PIH1D2: variants seen among roughly 807,000 people sequenced by gnomAD.
The protein encoded by PIH1D2 is PIH1 domain containing 2.
PIH1D2 carries 25 observed loss-of-function variants against 31.2 expected under a neutral mutation model. That is an observed-to-expected ratio of 0.80 (90% CI 0.58 to 1.12). PIH1D2 has a LOEUF of 1.12. Among genes scored for constraint, PIH1D2 ranks in the 50% most tolerant of loss-of-function variants. The pLI is 0.00. For synonymous variants in PIH1D2, 116 were observed against 119.9 expected, an observed-to-expected ratio of 0.97 and a Z score of 0.21; for missense variants, 310 against 356.6, an observed-to-expected ratio of 0.87 and a Z score of 1.05.
chr11:112,054,875 A>G, the PIH1D2 span, among the ~76,000 whole-genome samples: 2 of 152,166 alleles, frequency 1.3e-5, no homozygotes, highest in East Asian at 1.9e-4. Flanking sequence ...TTGTGATTGC[A>G]TAACTCCAGT....
chr11:112,062,498 G>T, downstream of PIH1D2: 1 of 1,612,584 alleles, frequency 6.2e-7, no homozygotes, highest in Non-Finnish European at 8.5e-7. Context: ...GCTGAGTTTA[G>T]AAAGTACCTT....
chr11:112,061,523 A>T (rs1204561672), downstream of PIH1D2: 2 of 294,922 alleles, frequency 6.8e-6, no homozygotes, highest in Non-Finnish European at 1.3e-5. Flanking sequence ...ATGGATTCGG[A>T]ACCCATGGAT....
At chr11:112,072,007 C>T (rs1555184743) in intron 2 of PIH1D2, among the ~76,000 whole-genome samples, 3 of 152,108 alleles carry the variant, frequency 2.0e-5, no homozygotes, top group Admixed American at 6.5e-5. Flanking sequence ...GCAGGAGAAT[C>T]GCTTGAACCC....
At chr11:112,060,970 G>T (rs1306359733), downstream of PIH1D2, 85 of 1,429,688 alleles carry the variant, frequency 5.9e-5, no homozygotes, top group Non-Finnish European at 7.8e-5. Flanking sequence ...TCTTTTCACA[G>T]AACATTTGTC....
intron 2 of PIH1D2, 33 bp from the exon 3 acceptor site, chr11:112,071,791 C>T: frequency 6.2e-7 from 1 of 1,612,450 alleles, no homozygotes; most frequent in African/African-American, 1.3e-5. Flanking sequence ...CATCTCAAAA[C>T]CTAGTTTAAA....
downstream of PIH1D2, chr11:112,064,373 T>A (rs902237267): frequency 8.0e-6 from 5 of 626,542 alleles, no homozygotes; most frequent in Admixed American, 1.5e-4. Context: ...ATTTAAAAAT[T>A]AAAGTATAAA....
chr11:112,059,108 C>T (rs1371496932), downstream of PIH1D2, among the ~76,000 whole-genome samples: 1 of 151,932 alleles, frequency 6.6e-6, no homozygotes, highest in African/African-American at 2.4e-5. Flanking sequence ...GGTACCACCA[C>T]CCATGTATCC....
chr11:112,060,629 T>C (rs1423255218), downstream of PIH1D2, among the ~76,000 whole-genome samples: 4 of 151,940 alleles, frequency 2.6e-5, no homozygotes, highest in Non-Finnish European at 5.9e-5. Context: ...TAATTTTGTG[T>C]GTGTGTGTAT....
downstream of PIH1D2, among the ~76,000 whole-genome samples, chr11:112,060,391 A>G (rs1445572789): frequency 5.3e-5 from 8 of 151,472 alleles, no homozygotes; most frequent in African/African-American, 1.7e-4. Flanking sequence ...TGATCTCCTG[A>G]CCTTGTGATC....
chr11:112,059,278 C>T (rs138208156), downstream of PIH1D2, among the ~76,000 whole-genome samples: 470 of 151,754 alleles, frequency 3.1e-3, 4 homozygotes, highest in African/African-American at 0.01. Context: ...ATTCACGTGT[C>T]GGTCAAGGCA....
At chr11:112,064,587 G>T (rs1218057493), downstream of PIH1D2, among the ~76,000 whole-genome samples, 4 of 152,116 alleles carry the variant, frequency 2.6e-5, no homozygotes, top group African/African-American at 9.7e-5. Context: ...ACCCCATGTT[G>T]GGGTGTGGCA....
At position 112,071,620 on chromosome 11, in the gene PIH1D2, C is replaced by T. The variant is rs957374674; in HGVS notation, c.301+15G>A. The T allele has an allele frequency of 2.5e-6, 4 of 1,610,360 alleles. No homozygotes were observed. The African/African-American group carries it at 4.0e-5, about 16-fold the overall frequency. On this transcript the variant is annotated intron_variant, in intron 3 of 5. Transcript: ENST00000280350. Reference sequence around the variant, plus strand: ...ATAAAATTTTTACAATGTGCTTTCTCTCAATTATTTGTACCTGATATCTCA... The same window carrying T: ...ATAAAATTTTTACAATGTGCTTTCTTTCAATTATTTGTACCTGATATCTCA...
the PIH1D2 span, among the ~76,000 whole-genome samples, chr11:112,053,114 G>C: frequency 6.6e-6 from 1 of 152,038 alleles, no homozygotes; most frequent in Non-Finnish European, 1.5e-5. Context: ...TTGAGGTCAG[G>C]AGTTCGAGAC....
chr11:112,055,804 T>A, the PIH1D2 span, among the ~76,000 whole-genome samples: 3 of 148,948 alleles, frequency 2.0e-5, no homozygotes, highest in Admixed American at 6.8e-5. Context: ...AGGAATTTTT[T>A]TTTTAATATT....
downstream of PIH1D2, chr11:112,061,311 TATG>T (rs1171689249): frequency 4.7e-6 from 4 of 847,380 alleles, no homozygotes; most frequent in Admixed American, 7.8e-5. Flanking sequence ...CCTGATATGA[TATG>T]ATGTAATATT....
At chr11:112,061,174 G>C, downstream of PIH1D2, 1 of 1,614,012 alleles carries the variant, frequency 6.2e-7, no homozygotes, top group Non-Finnish European at 8.5e-7. Context: ...AATGAAAAAG[G>C]GTAAGTGCCA....
downstream of PIH1D2, chr11:112,064,225 G>GA (rs782190453): frequency 1.1e-4 from 175 of 1,550,950 alleles, no homozygotes; most frequent in South Asian, 2.1e-4. Context: ...TTGTTCCCTT[G>GA]AAAAAAAATA....
At chr11:112,071,367 C>T in intron 3 of PIH1D2, 84 bp from the exon 4 acceptor site, 1 of 1,444,522 alleles carries the variant, frequency 6.9e-7, no homozygotes, top group Non-Finnish European at 9.4e-7. Flanking sequence ...AACCATATTC[C>T]TGATAAAGCT....
At chr11:112,062,309 G>T, downstream of PIH1D2, 3 of 1,299,422 alleles carry the variant, frequency 2.3e-6, no homozygotes, top group South Asian at 3.7e-5. Flanking sequence ...GTATTACCTG[G>T]TTGGGATTAT....
Sources: allele counts gnomAD v4.1 joint callset (sites outside exome capture counted in the v4.1 genomes callset), GRCh38; gene constraint gnomAD v4.1.1; transcripts MANE v1.5; gene names NCBI Gene and HGNC (gene_info 2026-07-23, HGNC 2026-07-21).